The following ASAP1 variants were observed in gnomAD, a reference collection of about 807,000 sequenced individuals.
ASAP1 encodes the protein arf-GAP with SH3 domain, ANK repeat and PH domain-containing protein 1.
ASAP1 carries 43 observed loss-of-function variants against 145.2 expected under a neutral mutation model. That is an observed-to-expected ratio of 0.30 (90% confidence interval 0.23 to 0.38). ASAP1 has a LOEUF of 0.38. Ranked by LOEUF, ASAP1 falls within the 10% of genes least tolerant of loss-of-function variation. ASAP1 has a pLI of 1.00. For synonymous variants in ASAP1, 546 were observed against 515.5 expected, an observed-to-expected ratio of 1.06 and a Z score of -0.80; for missense variants, 1,018 against 1,355.3, an observed-to-expected ratio of 0.75 and a Z score of 3.91.
At chr8:130,255,020 G>A (rs1440302740) in intron 3 of ASAP1, among the ~76,000 whole-genome samples, 1 of 152,120 alleles carries the variant, frequency 6.6e-6, no homozygotes, top group African/African-American at 2.4e-5. Context: ...TCTCTAGAGA[G>A]ACTAAGTGAC....
chr8:130,311,686 G>A (rs541010350), intron 3 of ASAP1, among the ~76,000 whole-genome samples: 12 of 148,104 alleles, frequency 8.1e-5, no homozygotes, highest in Non-Finnish European at 7.4e-5. Context: ...GCTTGAACCC[G>A]GGAGGCGGAG....
chr8:130,162,275 T>A (rs951015114), intron 11 of ASAP1, among the ~76,000 whole-genome samples: 25 of 151,750 alleles, frequency 1.6e-4, no homozygotes, highest in African/African-American at 2.4e-5. Context: ...CCAGCAACAG[T>A]CCCTAGTAAC....
chr8:130,055,406 G>C (rs2097401705), intron 29 of ASAP1, among the ~76,000 whole-genome samples: 2 of 152,100 alleles, frequency 1.3e-5, no homozygotes, highest in Non-Finnish European at 2.9e-5. Context: ...CCACAGCCCA[G>C]GTAGGATGCA....
intron 3 of ASAP1, among the ~76,000 whole-genome samples, chr8:130,333,872 A>G (rs1363940968): frequency 6.6e-6 from 1 of 152,238 alleles, no homozygotes; most frequent in Non-Finnish European, 1.5e-5. Context: ...CTGAGATTAC[A>G]GAAGAGACTC....
rs1191249774 is a variant in ASAP1 at position 130,052,960 on chromosome 8, C to T, written c.*1771G>A. 1 of 152,148 alleles carries T rather than the reference C, an allele frequency of 6.6e-6. No individual in the cohort carries two copies. The highest frequency in any genetic ancestry group is 1.9e-4 in the East Asian group (1 of 5,194). The allele number at this position is 152,148 out of a possible 1,614,324, so 9.4% of individuals were successfully genotyped here. The stretch of plus-strand genomic sequence containing the variant: ...CCAGCATGTCAACTGGTTCCTCATG[C>T]TCTGTTTGGTGTGGAAATTCACATG... On this transcript the variant is annotated 3_prime_UTR_variant, in exon 30 of 30. Transcript: ENST00000518721.
At chr8:130,443,205 C>T (rs573354769) in intron 1 of ASAP1, among the ~76,000 whole-genome samples, 1,865 of 151,066 alleles carry the variant, frequency 0.012, 37 homozygotes, top group African/African-American at 0.039. Context: ...GAGCTGGAGG[C>T]GAGGAGACCT....
At chr8:130,209,548 A>G (rs1418459410) in intron 5 of ASAP1, among the ~76,000 whole-genome samples, 2 of 126,352 alleles carry the variant, frequency 1.6e-5, no homozygotes, top group Non-Finnish European at 3.5e-5. Context: ...TTGCTCTTAC[A>G]GTAAAAAAAA....
intron 24 of ASAP1, among the ~76,000 whole-genome samples, chr8:130,109,421 C>A (rs2097543114): frequency 6.6e-6 from 1 of 152,086 alleles, no homozygotes; most frequent in Admixed American, 6.6e-5. Flanking sequence ...CAGAATAATT[C>A]TTTCTCCTCT....
At chr8:130,190,758 C>T (rs1355705950) in intron 5 of ASAP1, among the ~76,000 whole-genome samples, 1 of 152,132 alleles carries the variant, frequency 6.6e-6, no homozygotes, top group Non-Finnish European at 1.5e-5. Flanking sequence ...CCTTGTGATC[C>T]ACCCTCCTTG....
chr8:130,395,158 G>C (rs117414932), intron 2 of ASAP1, among the ~76,000 whole-genome samples: 4,189 of 152,256 alleles, frequency 0.028, 65 homozygotes, highest in Middle Eastern at 0.044. Context: ...CACTCACTCA[G>C]AGTAACACAG....
chr8:130,333,796 T>C (rs1274854465), intron 3 of ASAP1, among the ~76,000 whole-genome samples: 1 of 152,238 alleles, frequency 6.6e-6, no homozygotes, highest in African/African-American at 2.4e-5. Flanking sequence ...TTCAGTAGTA[T>C]TTCTGGAGGG....
chr8:130,214,753 GAA>G, intron 4 of ASAP1, 52 bp from the exon 5 acceptor site: 2 of 1,463,358 alleles, frequency 1.4e-6, no homozygotes, highest in Non-Finnish European at 1.8e-6. Flanking sequence ...TTGCCACAAT[GAA>G]AAGTTACTTT....
intron 25 of ASAP1, among the ~76,000 whole-genome samples, chr8:130,090,906 C>T (rs1436965527): frequency 6.6e-6 from 1 of 152,140 alleles, no homozygotes; most frequent in Non-Finnish European, 1.5e-5. Flanking sequence ...ATGAAGAAAG[C>T]CACAATGAAA....
At chr8:130,112,349 T>G in intron 23 of ASAP1, 27 bp from the exon 24 acceptor site, 50 of 1,564,028 alleles carry the variant, frequency 3.2e-5, no homozygotes, top group Non-Finnish European at 4.4e-5. Context: ...GAAGGTGAGA[T>G]AATAATCAAG....
chr8:130,284,842 TACAC>T lies in ASAP1; in HGVS notation c.187-47852_187-47849del, dbSNP rs34799517. Reference sequence around the variant, plus strand: ...AAAACCAATCATTCCTTTTACACTCTACACACACACACACACACACACACACACA... The same window carrying T: ...AAAACCAATCATTCCTTTTACACTCTACACACACACACACACACACACACA... On this transcript the variant is annotated intron_variant, in intron 3 of 29. Transcript: ENST00000518721. Among the ~76,000 whole-genome samples the T allele has an allele frequency of 8.5e-3, 1,198 of 141,616 alleles. 7 individuals carry two copies. Among genetic ancestry groups the T allele is most frequent in the East Asian group, 0.033 (157 of 4,792 alleles). The allele number at this position is 141,616 out of a possible 152,430, so 92.9% of individuals were successfully genotyped here. A position where few individuals can be genotyped will look rare whatever the true frequency, so the allele number is the denominator to read the frequency against.
At chr8:130,300,411 T>G (rs1822592873) in intron 3 of ASAP1, among the ~76,000 whole-genome samples, 1 of 152,204 alleles carries the variant, frequency 6.6e-6, no homozygotes, top group Admixed American at 6.5e-5. Context: ...TTTTTCAAGG[T>G]AAAAACTCTC....
At chr8:130,145,549 C>T (rs987703486) in intron 13 of ASAP1, among the ~76,000 whole-genome samples, 1 of 152,118 alleles carries the variant, frequency 6.6e-6, no homozygotes, top group South Asian at 2.1e-4. Flanking sequence ...GAACTCATGA[C>T]CTCATGAATG....
At chr8:130,256,753 A>ATCCT (rs1186114359) in intron 3 of ASAP1, among the ~76,000 whole-genome samples, 1 of 67,040 alleles carries the variant, frequency 1.5e-5, no homozygotes, top group Admixed American at 1.3e-4. Context: ...ATATATATAT[A>ATCCT]TATATATATA....
intron 27 of ASAP1, among the ~76,000 whole-genome samples, chr8:130,065,274 C>T (rs1011874221): frequency 6.6e-6 from 1 of 152,180 alleles, no homozygotes; most frequent in Non-Finnish European, 1.5e-5. Flanking sequence ...ACAGGAGCTT[C>T]TGAACCTGAG....
Sources: gnomAD v4.1 joint callset for allele counts (sites outside exome capture counted in the v4.1 genomes callset) on GRCh38, gnomAD v4.1.1 for gene constraint, MANE v1.5 for transcripts, NCBI Gene and HGNC (gene_info 2026-07-23, HGNC 2026-07-21) for gene names.